GALNT14: variants seen among roughly 807,000 people sequenced by gnomAD.
GALNT14 encodes the protein polypeptide N-acetylgalactosaminyltransferase 14.
GALNT14 carries 60 observed loss-of-function variants against 77.5 expected under a neutral mutation model. The ratio of observed to expected loss-of-function variants is 0.77; its 90% CI spans 0.63 to 0.96. GALNT14 has a LOEUF of 0.96. Among genes scored for constraint, GALNT14 ranks in the 40% least tolerant of loss-of-function variants. The pLI is 0.00. For synonymous variants in GALNT14, 280 were observed against 281.7 expected, an observed-to-expected ratio of 0.99 and a Z score of 0.06; for missense variants, 710 against 731.0, an observed-to-expected ratio of 0.97 and a Z score of 0.33.
intron 1 of GALNT14, among the ~76,000 whole-genome samples, chr2:31,046,553 C>T (rs1482812468): frequency 6.6e-6 from 1 of 152,156 alleles, no homozygotes; most frequent in South Asian, 2.1e-4. Flanking sequence ...TAAAGTACTA[C>T]ACATATATAC....
chr2:30,990,308 CAGGGCCCAAA>C (rs1317863245), intron 2 of GALNT14, among the ~76,000 whole-genome samples: 1 of 152,240 alleles, frequency 6.6e-6, no homozygotes, highest in Non-Finnish European at 1.5e-5. Context: ...CTGAGGCAGA[CAGGGCCCAAA>C]AGGCCCCAGG....
intron 13 of GALNT14, among the ~76,000 whole-genome samples, chr2:30,916,099 C>G (rs928548905): frequency 7.2e-5 from 11 of 152,196 alleles, no homozygotes; most frequent in Non-Finnish European, 1.2e-4. Flanking sequence ...ACCCCAGCAC[C>G]TGGACCCATC....
intron 1 of GALNT14, among the ~76,000 whole-genome samples, chr2:31,099,359 C>T (rs1411105640): frequency 6.6e-6 from 1 of 151,788 alleles, no homozygotes; most frequent in Non-Finnish European, 1.5e-5. Context: ...AGGCCTTTGT[C>T]ATGTGTCTTT....
chr2:30,995,178 T>TGTC (rs1669953426), intron 1 of GALNT14, among the ~76,000 whole-genome samples: 39 of 104,554 alleles, frequency 3.7e-4, no homozygotes, highest in African/African-American at 1.5e-3. Context: ...GTGTGTGTGT[T>TGTC]CATGTGCATA....
At position 31,138,088 on chromosome 2, in the gene GALNT14, G is replaced by T; in HGVS notation, c.-2C>A. On this transcript the variant is annotated 5_prime_UTR_variant, in exon 1 of 15. Transcript: ENST00000349752. Reference sequence around the variant, plus strand: ...CAGCCGACGAGTCAGGCGCCGCATGGTCCCCTTTGCCGCTTCCTCTCCGCG... The same window carrying T: ...CAGCCGACGAGTCAGGCGCCGCATGTTCCCCTTTGCCGCTTCCTCTCCGCG... 6.2e-7 allele frequency: 1 copy of T among 1,613,646 alleles called. No homozygotes were observed. The highest frequency in any genetic ancestry group is 8.5e-7 in the Non-Finnish European group (1 of 1,179,752).
At chr2:31,074,657 G>A (rs1675642915) in intron 1 of GALNT14, among the ~76,000 whole-genome samples, 1 of 152,084 alleles carries the variant, frequency 6.6e-6, no homozygotes, top group South Asian at 2.1e-4. Context: ...CAGTGGTAGA[G>A]TTCTAAGAGG....
At chr2:30,986,530 T>A (rs1374162092) in intron 2 of GALNT14, among the ~76,000 whole-genome samples, 1 of 152,238 alleles carries the variant, frequency 6.6e-6, no homozygotes, top group East Asian at 1.9e-4. Context: ...TGAGGACTAC[T>A]TGTTGAACCG....
intron 1 of GALNT14, among the ~76,000 whole-genome samples, chr2:31,026,547 C>A (rs1210384455): frequency 2.0e-5 from 3 of 152,344 alleles, no homozygotes; most frequent in Admixed American, 2.0e-4. Flanking sequence ...GTCACCCTGG[C>A]AGCCACATGA....
At chr2:30,905,951 C>T (rs1448364747), downstream of GALNT14, among the ~76,000 whole-genome samples, 2 of 151,712 alleles carry the variant, frequency 1.3e-5, no homozygotes, top group East Asian at 3.9e-4. Context: ...ATTTCATATC[C>T]AGCCAAACTA....
intron 1 of GALNT14, among the ~76,000 whole-genome samples, chr2:31,081,092 A>G (rs1249532023): frequency 6.6e-6 from 1 of 152,220 alleles, no homozygotes; most frequent in East Asian, 1.9e-4. Flanking sequence ...CTTATCTAAG[A>G]CAATATCTCA....
chr2:30,981,186 C>G (rs1304279585), intron 2 of GALNT14, among the ~76,000 whole-genome samples: 1 of 152,264 alleles, frequency 6.6e-6, no homozygotes, highest in Non-Finnish European at 1.5e-5. Flanking sequence ...AGCCCTATTT[C>G]TTCCTGGCAG....
chr2:31,035,588 TACA>T (rs1558512145), intron 1 of GALNT14, among the ~76,000 whole-genome samples: 23 of 129,318 alleles, frequency 1.8e-4, no homozygotes, highest in African/African-American at 5.6e-4. Context: ...TGTGTGTGTA[TACA>T]TATACATATA....
chr2:30,930,326 T>C (rs1243059015), intron 10 of GALNT14, among the ~76,000 whole-genome samples: 1 of 152,182 alleles, frequency 6.6e-6, no homozygotes, highest in Non-Finnish European at 1.5e-5. Flanking sequence ...AAGGGGAAAG[T>C]GGGCACACAC....
rs142364472 is a variant in GALNT14 at position 30,936,238 on chromosome 2, C to T, written c.932-4044G>A. 1.2e-4 allele frequency among the ~76,000 whole-genome samples: 19 copies of T among 152,204 alleles called. No homozygotes were observed. The South Asian group carries it at 1.5e-3, about 12-fold the overall frequency. On this transcript the variant is annotated intron_variant, in intron 9 of 14. Transcript: ENST00000349752. Reference sequence around the variant, plus strand: ...GATCAGTAGTGCTTACCACCCCTCCCAGGGTCCTAGCCCTTCACCAGAACC... The same window carrying T: ...GATCAGTAGTGCTTACCACCCCTCCTAGGGTCCTAGCCCTTCACCAGAACC...
At chr2:31,086,111 G>C (rs1454322711) in intron 1 of GALNT14, among the ~76,000 whole-genome samples, 1 of 152,088 alleles carries the variant, frequency 6.6e-6, no homozygotes, top group African/African-American at 2.4e-5. Flanking sequence ...GATGAGATTT[G>C]GGTGGGGACA....
the GALNT14 span, among the ~76,000 whole-genome samples, chr2:30,886,812 T>C: frequency 3.0e-4 from 45 of 152,360 alleles, no homozygotes; most frequent in South Asian, 3.7e-3. Flanking sequence ...TGGCCTTTAG[T>C]ACATTCATAA....
intron 1 of GALNT14, among the ~76,000 whole-genome samples, chr2:31,080,467 A>C (rs1365741552): frequency 6.6e-6 from 1 of 152,188 alleles, no homozygotes; most frequent in African/African-American, 2.4e-5. Flanking sequence ...CCATTCTTAG[A>C]CTCTAAGTGC....
intron 6 of GALNT14, among the ~76,000 whole-genome samples, chr2:30,952,310 C>T (rs142502183): frequency 1.5e-4 from 23 of 151,938 alleles, no homozygotes; most frequent in South Asian, 2.1e-4. Flanking sequence ...CACATGCACA[C>T]GTATGTTTAT....
intron 1 of GALNT14, among the ~76,000 whole-genome samples, chr2:31,040,115 T>C (rs1033857934): frequency 7.9e-5 from 12 of 152,360 alleles, no homozygotes; most frequent in Admixed American, 3.9e-4. Flanking sequence ...TGTTTATTTC[T>C]ATTGTATACT....
Sources: allele counts gnomAD v4.1 joint callset (sites outside exome capture counted in the v4.1 genomes callset), GRCh38; gene constraint gnomAD v4.1.1; transcripts MANE v1.5; gene names NCBI Gene and HGNC (gene_info 2026-07-23, HGNC 2026-07-21).